Variants in EMB observed in about 807,000 individuals in gnomAD.
EMB encodes the protein embigin.
Under a neutral mutation model 41.4 loss-of-function variants are expected in EMB, and 31 were observed. That is an observed-to-expected ratio of 0.75 (90% CI 0.56 to 1.01). The LOEUF (loss-of-function observed/expected upper bound fraction) is 1.01, where lower values mean the gene tolerates loss of function less well. Ranked by LOEUF, EMB falls within the 50% of genes least tolerant of loss-of-function variation. EMB has a pLI of 0.00. For synonymous variants in EMB, 137 were observed against 140.4 expected (o/e 0.98, Z 0.17); for missense variants, 379 against 388.3 (o/e 0.98, Z 0.20).
At position 50,399,929 on chromosome 5, in the gene EMB, A is replaced by G. The variant is rs1385444696; in HGVS notation, c.912-16T>C. ...ATCTGATTTCCTGCACAGAAAACAA[A>G]AAAGAAAATTACTAAATGCTTATAT... On this transcript the variant is annotated splice_polypyrimidine_tract_variant and intron_variant, in intron 7 of 8. Transcript: ENST00000303221. The G allele has an allele frequency of 4.4e-6, 7 of 1,587,070 alleles. No individual in the cohort carries two copies. The highest frequency in any genetic ancestry group is 4.5e-5 in the East Asian group (2 of 44,434).
intron 2 of EMB, among the ~76,000 whole-genome samples, chr5:50,412,796 A>G (rs1463855079): frequency 1.3e-5 from 2 of 151,806 alleles, no homozygotes; most frequent in African/African-American, 4.8e-5. Flanking sequence ...AGGAATATGG[A>G]ATGGTTAGGA....
At position 50,431,475 on chromosome 5, in the gene EMB, C is replaced by T. The variant is rs181440791; in HGVS notation, c.113-3248G>A. On this transcript the variant is annotated intron_variant, in intron 1 of 8. Coordinates refer to ENST00000303221, the MANE Select transcript of EMB (RefSeq NM_198449.3). ...TCCCTAAAAGGATTAGGCTGAGTCA[C>T]AAAAAGAAGTATAAAATGGAGAGGA... 3.1e-3 allele frequency among the ~76,000 whole-genome samples: 466 copies of T among 152,058 alleles called. 1 individual carries two copies. The highest frequency in any genetic ancestry group is 9.5e-3 in the African/African-American group (394 of 41,480).
At chr5:50,414,222 T>C (rs1302850802) in intron 2 of EMB, among the ~76,000 whole-genome samples, 1 of 151,910 alleles carries the variant, frequency 6.6e-6, no homozygotes, top group Admixed American at 6.6e-5. Context: ...GAAAGAAAAA[T>C]AATACAACTC....
In EMB at chr5:50,412,174, GCTAACC is replaced by G. The variant is rs1745349281; in HGVS notation, c.197-797_197-792del. Among the ~76,000 whole-genome samples the G allele has an allele frequency of 2.0e-5, 3 of 151,956 alleles. No homozygotes were observed. In the South Asian group the frequency reaches 6.2e-4, roughly 32 times the overall value. On this transcript the variant is annotated intron_variant, in intron 2 of 8. Transcript: ENST00000303221. The stretch of plus-strand genomic sequence containing the variant: ...CCATCTACAGGTGGGAAGAGAAGGA[GCTAACC>G]CTTAGAGAAGCTTTAGGGAAGTTGA...
At chr5:50,413,587 T>A (rs979970353) in intron 2 of EMB, among the ~76,000 whole-genome samples, 1 of 150,462 alleles carries the variant, frequency 6.6e-6, no homozygotes, top group Non-Finnish European at 1.5e-5. Flanking sequence ...TTTCTTTCTT[T>A]TTTTTTTTTT....
chr5:50,438,496 T>TA (rs935878987), intron 1 of EMB, among the ~76,000 whole-genome samples: 6 of 152,110 alleles, frequency 3.9e-5, no homozygotes, highest in African/African-American at 1.2e-4. Flanking sequence ...CAGCTGGAAC[T>TA]AAAAAAATGC....
At chr5:50,433,847 A>G (rs192559604) in intron 1 of EMB, among the ~76,000 whole-genome samples, 1 of 152,182 alleles carries the variant, frequency 6.6e-6, no homozygotes, top group African/African-American at 2.4e-5. Context: ...TGAACTCTTG[A>G]GTGAAGAATC....
chr5:50,424,966 ACT>A (rs1350944839), intron 2 of EMB, among the ~76,000 whole-genome samples: 2 of 151,768 alleles, frequency 1.3e-5, no homozygotes, highest in African/African-American at 2.4e-5. Context: ...ACTTTCTCTG[ACT>A]CTCTATGAAT....
At chr5:50,421,218 T>C (rs879133839) in intron 2 of EMB, among the ~76,000 whole-genome samples, 3 of 151,964 alleles carry the variant, frequency 2.0e-5, no homozygotes, top group African/African-American at 7.3e-5. Flanking sequence ...AATGCAACCA[T>C]CAAAAAGTGG....
chr5:50,434,104 A>G (rs1247240351), intron 1 of EMB, among the ~76,000 whole-genome samples: 4 of 152,190 alleles, frequency 2.6e-5, no homozygotes, highest in African/African-American at 9.7e-5. Context: ...CTACTCCCAA[A>G]TAAGGTCACT....
intron 2 of EMB, among the ~76,000 whole-genome samples, chr5:50,422,329 G>A (rs1201041479): frequency 6.6e-6 from 1 of 152,166 alleles, no homozygotes; most frequent in African/African-American, 2.4e-5. Context: ...AGGTGTAGGT[G>A]TTATTCGATG....
At position 50,396,754 on chromosome 5, in the gene EMB, A is replaced by C. The variant is rs989247381; in HGVS notation, c.*2519T>G. Reference sequence around the variant, plus strand: ...ACTCAGGCAGCCACGCAAAAGAGGGATTAATAGAAAAGGAGACTGAGGTAG... The same window carrying C: ...ACTCAGGCAGCCACGCAAAAGAGGGCTTAATAGAAAAGGAGACTGAGGTAG... On this transcript the variant is annotated 3_prime_UTR_variant, in exon 9 of 9. Coordinates refer to ENST00000303221, the MANE Select transcript of EMB (RefSeq NM_198449.3). 9 of 151,374 alleles carry C rather than the reference A, an allele frequency of 5.9e-5. No individual in the cohort carries two copies. Among genetic ancestry groups the C allele is most frequent in the African/African-American group, 2.2e-4 (9 of 40,934 alleles). 9.4% of individuals were successfully genotyped at this position (151,374 alleles called of 1,614,324 possible).
intron 1 of EMB, chr5:50,428,607 A>C (rs906193512): frequency 4.0e-6 from 4 of 988,622 alleles, no homozygotes; most frequent in Non-Finnish European, 4.8e-6. Context: ...AGAAGATGAA[A>C]GAAGAGCGAC....
At chr5:50,407,187 T>C (rs1418033951) in intron 4 of EMB, among the ~76,000 whole-genome samples, 1 of 152,014 alleles carries the variant, frequency 6.6e-6, no homozygotes, top group African/African-American at 2.4e-5. Flanking sequence ...TGCTTTAGCA[T>C]GAAAATATGT....
At chr5:50,422,504 A>C (rs964523829) in intron 2 of EMB, among the ~76,000 whole-genome samples, 10 of 152,234 alleles carry the variant, frequency 6.6e-5, no homozygotes, top group African/African-American at 2.4e-4. Flanking sequence ...GTGCTATTTC[A>C]AAGCTATCAG....
intron 2 of EMB, among the ~76,000 whole-genome samples, chr5:50,415,652 C>A (rs561177618): frequency 1.1e-4 from 16 of 152,224 alleles, no homozygotes; most frequent in Admixed American, 3.9e-4. Flanking sequence ...CAAAGAGAGG[C>A]TATTTTGTCT....
chr5:50,431,205 T>C (rs565922746), intron 1 of EMB, among the ~76,000 whole-genome samples: 1 of 152,296 alleles, frequency 6.6e-6, no homozygotes, highest in East Asian at 1.9e-4. Flanking sequence ...GACTTTTGCC[T>C]TGGGAAAAGT....
rs976170059 is a variant in EMB, at chr5:50,399,825, C to T, written c.966+34G>A. 1.2e-5 allele frequency: 19 copies of T among 1,540,100 alleles called. 1 individual carries two copies. In the Admixed American group the frequency reaches 3.3e-4, roughly 27 times the overall value. ...ATAGCCTATGTATATTGAATTTGAC[C>T]TTTTATTTGGAATATCATTCAGAAG... On this transcript the variant is annotated intron_variant, in intron 8 of 8. Transcript: ENST00000303221.
Position 50,399,875 on chromosome 5 carries a change from G to C in EMB, c.950C>G (p.Pro317Arg). The change falls in exon 8 of 9, where the codon CCC (proline) becomes CGC (arginine). Residue 317 changes from proline to arginine, a missense_variant. Coordinates refer to ENST00000303221, the MANE Select transcript of EMB (RefSeq NM_198449.3). ...DDSNGIENNV[P>R]RHRKNESLGQ ...GTAACTTACATTTTTTCTATGCCTG[G>C]GGACATTATTTTCTATACCATTGCT... 1.2e-6 allele frequency: 2 copies of C among 1,603,968 alleles called. No homozygotes were observed. Among genetic ancestry groups the C allele is most frequent in the Non-Finnish European group, 1.7e-6 (2 of 1,175,504 alleles).
Sources: gnomAD v4.1 joint callset for allele counts (sites outside exome capture counted in the v4.1 genomes callset) on GRCh38, gnomAD v4.1.1 for gene constraint, MANE v1.5 for transcripts, NCBI Gene and HGNC (gene_info 2026-07-23, HGNC 2026-07-21) for gene names.